The following FHAD1 variants were observed in gnomAD, a reference collection of about 807,000 sequenced individuals.
FHAD1 encodes forkhead-associated domain-containing protein 1.
FHAD1 carries 146 observed loss-of-function variants against 191.3 expected under a neutral mutation model. The ratio of observed to expected loss-of-function variants is 0.76; its 90% confidence interval spans 0.67 to 0.88. FHAD1 has a LOEUF of 0.88. Among genes scored for constraint, FHAD1 ranks in the 40% least tolerant of loss-of-function variants. The probability of loss-of-function intolerance (pLI) is 0.00; values close to 1 mark genes in which losing one functional copy is unlikely to be tolerated. For synonymous variants in FHAD1, 616 were observed against 672.3 expected, an observed-to-expected ratio of 0.92 and a Z score of 1.29; for missense variants, 1,635 against 1,785.8, an observed-to-expected ratio of 0.92 and a Z score of 1.52.
intron 14 of FHAD1, among the ~76,000 whole-genome samples, chr1:15,330,597 A>G (rs1011949856): frequency 2.6e-5 from 4 of 152,216 alleles, no homozygotes; most frequent in Non-Finnish European, 4.4e-5. Context: ...GACAATTGCT[A>G]TGAAGTGCAG....
At chr1:15,237,190 A>G (rs1334319490) in intron 1 of FHAD1, among the ~76,000 whole-genome samples, 3 of 152,162 alleles carry the variant, frequency 2.0e-5, no homozygotes, top group Non-Finnish European at 4.4e-5. Context: ...CAGGCTCTTT[A>G]TCACTCCACA....
chr1:15,332,259 G>A (rs896770886), intron 14 of FHAD1, among the ~76,000 whole-genome samples: 9 of 152,140 alleles, frequency 5.9e-5, no homozygotes, highest in East Asian at 3.8e-4. Flanking sequence ...CAGAGTTCTC[G>A]TTGTTCTTCA....
At chr1:15,281,205 G>A (rs550022532) in intron 3 of FHAD1, among the ~76,000 whole-genome samples, 42 of 152,268 alleles carry the variant, frequency 2.8e-4, no homozygotes, top group African/African-American at 8.9e-4. Context: ...TTCTGTCTGC[G>A]TTTTAGGGTC....
intron 32 of FHAD1, among the ~76,000 whole-genome samples, chr1:15,390,162 A>G (rs1399539758): frequency 1.3e-5 from 2 of 152,070 alleles, no homozygotes; most frequent in Non-Finnish European, 2.9e-5. Flanking sequence ...CCTGGCCAAC[A>G]TGGTGAAACC....
At position 15,382,009 on chromosome 1, in the gene FHAD1, A is replaced by G. The variant is rs779104008; in HGVS notation, c.4023-19A>G. The G allele has an allele frequency of 2.9e-5, 45 of 1,551,080 alleles. No individual in the cohort carries two copies. The highest frequency in any genetic ancestry group is 4.8e-5 in the South Asian group (4 of 83,988). The stretch of plus-strand genomic sequence containing the variant: ...GAAAGATAAGGGAAAAACAGACGCC[A>G]TCTCTCCTGTGCACCCAGGCGGAGC... On this transcript the variant is annotated intron_variant, in intron 30 of 33. Transcript: ENST00000688493.
chr1:15,387,606 T>C (rs538515179), intron 31 of FHAD1, among the ~76,000 whole-genome samples: 1 of 152,164 alleles, frequency 6.6e-6, no homozygotes, highest in Admixed American at 6.5e-5. Flanking sequence ...AAAAATTAGC[T>C]GGGTGTGGTG....
chr1:15,365,280 G>A (rs531373942), intron 23 of FHAD1, among the ~76,000 whole-genome samples: 27 of 152,116 alleles, frequency 1.8e-4, no homozygotes, highest in South Asian at 6.2e-4. Context: ...TGTTTGAGCC[G>A]CAGACTCAAC....
intron 14 of FHAD1, among the ~76,000 whole-genome samples, chr1:15,333,980 G>T (rs936620661): frequency 6.6e-6 from 1 of 151,712 alleles, no homozygotes; most frequent in Non-Finnish European, 1.5e-5. Context: ...CTACAGGCGT[G>T]TGCCACCACG....
chr1:15,349,806 A>T (rs1382117747), intron 19 of FHAD1, among the ~76,000 whole-genome samples: 1 of 152,184 alleles, frequency 6.6e-6, no homozygotes, highest in Admixed American at 6.5e-5. Context: ...GGAGGAAAGG[A>T]GGGGTCAGAG....
chr1:15,300,974 C>T (rs375543409), intron 5 of FHAD1, among the ~76,000 whole-genome samples: 3 of 152,130 alleles, frequency 2.0e-5, no homozygotes, highest in Non-Finnish European at 2.9e-5. Context: ...GGATTACAGG[C>T]GCTTGCCACC....
chr1:15,323,180 C>T (rs1396370572), intron 10 of FHAD1, among the ~76,000 whole-genome samples: 1 of 152,150 alleles, frequency 6.6e-6, no homozygotes. Flanking sequence ...CAGCCAAACC[C>T]TATCACCATG....
intron 5 of FHAD1, among the ~76,000 whole-genome samples, chr1:15,298,703 C>T (rs1417869611): frequency 1.3e-5 from 2 of 152,168 alleles, no homozygotes; most frequent in African/African-American, 2.4e-5. Context: ...AAATAGACTC[C>T]ACTGCTTGAT....
At chr1:15,265,561 C>T (rs1653035368) in intron 2 of FHAD1, among the ~76,000 whole-genome samples, 1 of 152,202 alleles carries the variant, frequency 6.6e-6, no homozygotes, top group African/African-American at 2.4e-5. Context: ...CCAAAACTTC[C>T]TCCTGGCTTT....
chr1:15,306,152 AAGGTGACT>A (rs1281121923), intron 6 of FHAD1, among the ~76,000 whole-genome samples: 1 of 152,206 alleles, frequency 6.6e-6, no homozygotes, highest in African/African-American at 2.4e-5. Flanking sequence ...AACTGGAGCA[AAGGTGACT>A]CTTGTTATGT....
intron 8 of FHAD1, chr1:15,314,668 GGGT>G (rs1413683726): frequency 0.065 from 4 of 62 alleles, no homozygotes; most frequent in African/African-American, 0.17. Flanking sequence ...TGTGGTGTGG[GGGT>G]GAATGGGTGT....
chr1:15,248,950 C>G (rs1275913463), intron 1 of FHAD1, among the ~76,000 whole-genome samples: 2 of 151,682 alleles, frequency 1.3e-5, no homozygotes, highest in African/African-American at 4.8e-5. Context: ...TCCCTATCCT[C>G]TCAGGATATT....
intron 20 of FHAD1, among the ~76,000 whole-genome samples, chr1:15,354,309 AC>A (rs1468304517): frequency 6.6e-6 from 1 of 152,218 alleles, no homozygotes; most frequent in Non-Finnish European, 1.5e-5. Flanking sequence ...TGCACTTTAA[AC>A]AACGCTGCTC....
intron 27 of FHAD1, 42 bp from the exon 28 acceptor site, chr1:15,375,560 CT>C: frequency 2.0e-6 from 3 of 1,483,500 alleles, no homozygotes; most frequent in Non-Finnish European, 2.7e-6. Context: ...GAAACAACTT[CT>C]TCCTGAGCCT....
chr1:15,247,352 G>T lies in FHAD1; in HGVS notation c.-58G>T. On this transcript the variant is annotated 5_prime_UTR_variant, in exon 1 of 34. Coordinates refer to ENST00000688493, the MANE Select transcript of FHAD1 (RefSeq NM_001391957.1). ...GGCCCGACGCCTCCCGAGCTGGCAG[G>T]GCTCTCGGCGGAGGTCGGAGCGTGG... 1 of 235,620 alleles carries T rather than the reference G, an allele frequency of 4.2e-6. No homozygotes were observed. Among genetic ancestry groups the T allele is most frequent in the South Asian group, 3.3e-5 (1 of 30,562 alleles). 14.6% of individuals were successfully genotyped at this position (235,620 alleles called of 1,614,324 possible).
Sources: allele counts gnomAD v4.1 joint callset (sites outside exome capture counted in the v4.1 genomes callset), GRCh38; gene constraint gnomAD v4.1.1; transcripts MANE v1.5; gene names NCBI Gene and HGNC (gene_info 2026-07-23, HGNC 2026-07-21).